Variants in SLMAP observed in about 807,000 individuals in gnomAD.
SLMAP encodes sarcolemma associated protein, also known as sarcolemmal membrane-associated protein.
Under a neutral mutation model 128.8 loss-of-function variants are expected in SLMAP, and 44 were observed. The observed-to-expected ratio is 0.34, with a 90% CI of 0.27 to 0.44. The LOEUF is 0.44. Among genes scored for constraint, SLMAP ranks in the 20% least tolerant of loss-of-function variants. SLMAP has a pLI of 1.00. For missense variants in SLMAP, 787 were observed against 985.3 expected, an observed-to-expected ratio of 0.80 and a Z score of 2.69; for synonymous variants, 327 against 348.8, an observed-to-expected ratio of 0.94 and a Z score of 0.70.
At chr3:57,867,133 C>T (rs1012429488) in intron 13 of SLMAP, among the ~76,000 whole-genome samples, 1 of 152,148 alleles carries the variant, frequency 6.6e-6, no homozygotes, top group Admixed American at 6.5e-5. Flanking sequence ...GAGCCCAGAT[C>T]GTGCCACTGC....
chr3:57,806,871 G>T (rs2089991341), intron 2 of SLMAP, among the ~76,000 whole-genome samples: 1 of 152,220 alleles, frequency 6.6e-6, no homozygotes. Flanking sequence ...ATTCCTTTGG[G>T]TGTATACCCA....
At position 57,849,827 on chromosome 3, in the gene SLMAP, A is replaced by G. The variant is rs1399120896; in HGVS notation, c.519+11A>G. 6 of 1,400,776 alleles carry G rather than the reference A, an allele frequency of 4.3e-6. No homozygotes were observed. The highest frequency in any genetic ancestry group is 4.2e-5 in the African/African-American group (3 of 70,640). The allele number at this position is 1,400,776 out of a possible 1,614,324, so 86.8% of individuals were successfully genotyped here. A position where few individuals can be genotyped will look rare whatever the true frequency, so the allele number is the denominator to read the frequency against. ...TCTCAGTATCTACAGGTAAAAGTACATCTTGAGACTTCTTAAAAGCAGAAT... is the reference window on the plus strand; with the variant it reads ...TCTCAGTATCTACAGGTAAAAGTACGTCTTGAGACTTCTTAAAAGCAGAAT... On this transcript the variant is annotated intron_variant, in intron 6 of 24. Coordinates refer to ENST00000671191, the MANE Select transcript of SLMAP (RefSeq NM_001377540.1).
At position 57,869,630 on chromosome 3, in the gene SLMAP, TTATATA is replaced by T. The variant is rs55916379; in HGVS notation, c.1238-1981_1238-1976del. Among the ~76,000 whole-genome samples, 175 of 75,466 alleles carry T rather than the reference TTATATA, an allele frequency of 2.3e-3. 5 individuals carry two copies. The highest frequency in any genetic ancestry group is 7.6e-3 in the African/African-American group (150 of 19,836). The allele number at this position is 75,466 out of a possible 152,430, so 49.5% of individuals were successfully genotyped here. A position where few individuals can be genotyped will look rare whatever the true frequency, so the allele number is the denominator to read the frequency against. On this transcript the variant is annotated intron_variant, in intron 13 of 24. Coordinates refer to ENST00000671191, the MANE Select transcript of SLMAP (RefSeq NM_001377540.1). ...ACAACATAGCAAGATCCCATCTCTA[TTATATA>T]TATATATATATATATATATATATAA...
chr3:57,816,123 G>C (rs528011360), intron 2 of SLMAP, among the ~76,000 whole-genome samples: 1 of 149,770 alleles, frequency 6.7e-6, no homozygotes, highest in Non-Finnish European at 1.5e-5. Flanking sequence ...AATTTAAACC[G>C]TTTGTGTTTG....
chr3:57,896,281 C>A (rs2096242906), intron 15 of SLMAP: 1 of 1,231,336 alleles, frequency 8.1e-7, no homozygotes, highest in African/African-American at 1.6e-5. Flanking sequence ...AAAGCCCCAG[C>A]CCTCAGCAAA....
chr3:57,771,671 A>G (rs984690616), intron 2 of SLMAP, among the ~76,000 whole-genome samples: 9 of 152,210 alleles, frequency 5.9e-5, no homozygotes, highest in Admixed American at 2.0e-4. Context: ...GATTATAGGC[A>G]TGACCCACTG....
intron 2 of SLMAP, among the ~76,000 whole-genome samples, chr3:57,810,193 C>T (rs561180142): frequency 1.6e-4 from 25 of 152,294 alleles, no homozygotes; most frequent in African/African-American, 6.0e-4. Flanking sequence ...AGAGCCAGCA[C>T]CCATGCTGGC....
chr3:57,789,437 G>T (rs535939283), intron 2 of SLMAP, among the ~76,000 whole-genome samples: 1 of 152,090 alleles, frequency 6.6e-6, no homozygotes, highest in Non-Finnish European at 1.5e-5. Flanking sequence ...CAGGATTCTT[G>T]GTGGAGTCAG....
chr3:57,828,063 C>G (rs1007427110), intron 2 of SLMAP, among the ~76,000 whole-genome samples: 5 of 152,222 alleles, frequency 3.3e-5, no homozygotes, highest in Non-Finnish European at 5.9e-5. Flanking sequence ...ATTCTCCTGT[C>G]TCAGCCCCTC....
chr3:57,805,652 A>G (rs1165542429), intron 2 of SLMAP, among the ~76,000 whole-genome samples: 2 of 152,172 alleles, frequency 1.3e-5, no homozygotes, highest in Non-Finnish European at 2.9e-5. Context: ...ATTGAATGAA[A>G]TATCAGTTTG....
rs561418179 is a variant in SLMAP at position 57,885,103 on chromosome 3, G to A, written c.1301-4938G>A. On this transcript the variant is annotated intron_variant, in intron 14 of 24. Transcript: ENST00000671191. ...TTTTTTTTTTTTGAAACGGAGTTTC[G>A]CTCTTGTTGCCCAGGCTGGAGTGCA... Among the ~76,000 whole-genome samples, 11 of 146,620 alleles carry A rather than the reference G, an allele frequency of 7.5e-5. No individual in the cohort carries two copies. The East Asian group carries it at 2.0e-3, about 27-fold the overall frequency.
At chr3:57,889,730 A>T (rs556427634) in intron 14 of SLMAP, among the ~76,000 whole-genome samples, 1 of 152,124 alleles carries the variant, frequency 6.6e-6, no homozygotes, top group Non-Finnish European at 1.5e-5. Flanking sequence ...ATTTTAACTT[A>T]ATAGCCTTGA....
chr3:57,809,807 C>T (rs895349992), intron 2 of SLMAP, among the ~76,000 whole-genome samples: 46 of 152,334 alleles, frequency 3.0e-4, no homozygotes, highest in African/African-American at 1.0e-3. Flanking sequence ...GAGGAGCTAT[C>T]CACTTCAGGG....
At chr3:57,830,653 C>G (rs1003770741) in intron 2 of SLMAP, among the ~76,000 whole-genome samples, 4 of 152,110 alleles carry the variant, frequency 2.6e-5, no homozygotes, top group African/African-American at 9.7e-5. Context: ...TGATGAGAAG[C>G]AAATTTGGAC....
At position 57,927,335 on chromosome 3, in the gene SLMAP, G is replaced by A. The variant is rs2097028315; in HGVS notation, c.*46G>A. 1.2e-6 allele frequency: 2 copies of A among 1,607,594 alleles called. No homozygotes were observed. The highest frequency in any genetic ancestry group is 2.2e-5 in the South Asian group (2 of 90,068). ...GATGCCCATGTTGGCTGCCCTGGTT[G>A]CAGTAACAGCCATCGTGCTGTACGT... On this transcript the variant is annotated 3_prime_UTR_variant, in exon 25 of 25. Transcript: ENST00000671191.
intron 15 of SLMAP, 47 bp from the exon 16 acceptor site, chr3:57,896,464 A>G: frequency 2.0e-6 from 3 of 1,528,122 alleles, no homozygotes; most frequent in Non-Finnish European, 2.6e-6. Flanking sequence ...TATTGATATA[A>G]GATATTTAAC....
At chr3:57,832,832 T>C (rs2093420113) in intron 3 of SLMAP, among the ~76,000 whole-genome samples, 1 of 152,226 alleles carries the variant, frequency 6.6e-6, no homozygotes, top group Admixed American at 6.5e-5. Flanking sequence ...AGGGCCAACA[T>C]CTTAGGAATT....
intron 2 of SLMAP, among the ~76,000 whole-genome samples, chr3:57,827,500 A>C (rs930133318): frequency 1.3e-5 from 2 of 152,246 alleles, no homozygotes; most frequent in Non-Finnish European, 2.9e-5. Context: ...ATCACCATCA[A>C]TGCCTGATTG....
intron 13 of SLMAP, 88 bp from the exon 14 acceptor site, chr3:57,871,548 T>A (rs2095479646): frequency 1.1e-6 from 1 of 925,704 alleles, no homozygotes; most frequent in East Asian, 2.4e-5. Flanking sequence ...AGTACCCATG[T>A]TAATACTTTT....
Sources: gnomAD v4.1 joint callset for allele counts (sites outside exome capture counted in the v4.1 genomes callset) on GRCh38, gnomAD v4.1.1 for gene constraint, MANE v1.5 for transcripts, NCBI Gene and HGNC (gene_info 2026-07-23, HGNC 2026-07-21) for gene names.